KITLG: variants seen among roughly 807,000 people sequenced by gnomAD.
KITLG encodes the protein c-Kit ligand.
A neutral mutation model predicts 34.1 loss-of-function variants in KITLG; 13 were observed. The ratio of observed to expected loss-of-function variants is 0.38; its 90% CI spans 0.25 to 0.61. The LOEUF (loss-of-function observed/expected upper bound fraction) is 0.61, where lower values mean the gene tolerates loss of function less well. Among genes scored for constraint, KITLG ranks in the 20% least tolerant of loss-of-function variants. KITLG has a pLI of 0.60. For synonymous variants in KITLG, 110 were observed against 104.0 expected (o/e 1.06, Z -0.35); for missense variants, 292 against 318.9 (o/e 0.92, Z 0.64).
intron 1 of KITLG, among the ~76,000 whole-genome samples, chr12:88,572,674 C>T (rs1347494978): frequency 6.7e-6 from 1 of 148,830 alleles, no homozygotes; most frequent in Non-Finnish European, 1.5e-5. Context: ...TAGTTCAGTG[C>T]TTTTCTACAT....
chr12:88,499,534 C>A (rs551702664), intron 9 of KITLG, among the ~76,000 whole-genome samples: 2 of 152,278 alleles, frequency 1.3e-5, no homozygotes, highest in Admixed American at 6.5e-5. Context: ...AAATAAGATT[C>A]TTTGCAGATA....
At chr12:88,568,505 C>G (rs1871529878) in intron 1 of KITLG, among the ~76,000 whole-genome samples, 2 of 151,864 alleles carry the variant, frequency 1.3e-5, no homozygotes, top group South Asian at 4.2e-4. Context: ...TGTACTATTA[C>G]CCCTACAACC....
At chr12:88,559,561 T>C (rs1370855487) in intron 1 of KITLG, among the ~76,000 whole-genome samples, 3 of 152,160 alleles carry the variant, frequency 2.0e-5, no homozygotes, top group Non-Finnish European at 4.4e-5. Flanking sequence ...CAGGTTTCAA[T>C]CAGGCAGAGT....
At chr12:88,569,984 C>T (rs968343471) in intron 1 of KITLG, among the ~76,000 whole-genome samples, 6 of 152,210 alleles carry the variant, frequency 3.9e-5, no homozygotes, top group Non-Finnish European at 5.9e-5. Flanking sequence ...ACATAAACGA[C>T]ATTATTATCA....
At chr12:88,524,511 T>C (rs749801666) in intron 3 of KITLG, among the ~76,000 whole-genome samples, 158 of 152,194 alleles carry the variant, frequency 1.0e-3, no homozygotes, top group Admixed American at 1.7e-3. Flanking sequence ...TTTATATTGA[T>C]TTTAAGGTGA....
intron 2 of KITLG, among the ~76,000 whole-genome samples, chr12:88,542,465 C>A (rs1213513894): frequency 1.3e-5 from 2 of 152,086 alleles, no homozygotes; most frequent in African/African-American, 2.4e-5. Flanking sequence ...ATTAAAAAAA[C>A]CTAGTATTCC....
chr12:88,505,308 T>C (rs1869017362), intron 8 of KITLG, 73 bp from the exon 9 acceptor site: 2 of 1,212,480 alleles, frequency 1.6e-6, no homozygotes, highest in Non-Finnish European at 2.4e-6. Flanking sequence ...ATCTCGGCAT[T>C]GTAAAAGGCA....
At chr12:88,550,395 T>G (rs941954397) in intron 1 of KITLG, among the ~76,000 whole-genome samples, 15 of 148,022 alleles carry the variant, frequency 1.0e-4, no homozygotes, top group Admixed American at 2.8e-4. Flanking sequence ...GGGGTGAGAT[T>G]CAGTTCTCAA....
intron 1 of KITLG, among the ~76,000 whole-genome samples, chr12:88,573,001 T>C (rs1871706477): frequency 1.3e-5 from 2 of 152,168 alleles, no homozygotes; most frequent in African/African-American, 4.8e-5. Flanking sequence ...TTTTGGTTGT[T>C]CATCAAAAAA....
At chr12:88,533,867 G>A (rs1030180761) in intron 2 of KITLG, among the ~76,000 whole-genome samples, 4 of 152,048 alleles carry the variant, frequency 2.6e-5, no homozygotes, top group Admixed American at 2.6e-4. Flanking sequence ...GGCATAAGTA[G>A]TCACATGGGA....
intron 1 of KITLG, among the ~76,000 whole-genome samples, chr12:88,569,264 T>G (rs1162068477): frequency 6.6e-6 from 1 of 152,220 alleles, no homozygotes; most frequent in Non-Finnish European, 1.5e-5. Flanking sequence ...AACTTTGCTC[T>G]AGGTAAACTC....
chr12:88,564,961 AAAC>A (rs1871398590), intron 1 of KITLG, among the ~76,000 whole-genome samples: 1 of 152,218 alleles, frequency 6.6e-6, no homozygotes, highest in South Asian at 2.1e-4. Context: ...TGAAATTTGA[AAAC>A]ATCACTTCTT....
intron 1 of KITLG, among the ~76,000 whole-genome samples, chr12:88,570,389 A>G (rs1205213421): frequency 6.6e-6 from 1 of 152,064 alleles, no homozygotes; most frequent in South Asian, 2.1e-4. Flanking sequence ...AGCCATTTAC[A>G]CTTCTGGTAA....
In KITLG at chr12:88,494,852, G is replaced by A. The variant is rs181035713; in HGVS notation, c.*2367C>T. The A allele has an allele frequency of 7.9e-5, 12 of 152,050 alleles. No homozygotes were observed. The highest frequency in any genetic ancestry group is 2.6e-4 in the Admixed American group (4 of 15,238). The allele number at this position is 152,050 out of a possible 1,614,324, so 9.4% of individuals were successfully genotyped here. A position where few individuals can be genotyped will look rare whatever the true frequency, so the allele number is the denominator to read the frequency against. On this transcript the variant is annotated 3_prime_UTR_variant, in exon 10 of 10. Coordinates refer to ENST00000644744, the MANE Select transcript of KITLG (RefSeq NM_000899.5). Reference sequence around the variant, plus strand: ...TGAGTTTTCCATGATTTATGAAGAAGGATATTCAGAACACATCTGGGATAA... The same window carrying A: ...TGAGTTTTCCATGATTTATGAAGAAAGATATTCAGAACACATCTGGGATAA...
At chr12:88,526,342 G>T (rs926612543) in intron 3 of KITLG, among the ~76,000 whole-genome samples, 1 of 152,072 alleles carries the variant, frequency 6.6e-6, no homozygotes, top group African/African-American at 2.4e-5. Flanking sequence ...AGATAATAAC[G>T]TTGCAGTGCA....
At chr12:88,533,532 CTCTTA>C (rs1870183912) in intron 2 of KITLG, among the ~76,000 whole-genome samples, 1 of 152,134 alleles carries the variant, frequency 6.6e-6, no homozygotes, top group Non-Finnish European at 1.5e-5. Flanking sequence ...CCGCAACCTT[CTCTTA>C]TGTCACCATT....
intron 1 of KITLG, among the ~76,000 whole-genome samples, chr12:88,555,075 C>CA (rs879847154): frequency 9.3e-4 from 140 of 149,926 alleles, no homozygotes; most frequent in African/African-American, 2.5e-3. Context: ...GCTCTTATAA[C>CA]AAAAAAAAAC....
intron 1 of KITLG, among the ~76,000 whole-genome samples, chr12:88,572,891 C>G (rs1044384557): frequency 1.3e-5 from 2 of 152,084 alleles, no homozygotes; most frequent in East Asian, 1.9e-4. Flanking sequence ...AAGGTCAGTC[C>G]TCTGACTAAC....
At chr12:88,553,387 G>A (rs1870986790) in intron 1 of KITLG, among the ~76,000 whole-genome samples, 1 of 152,160 alleles carries the variant, frequency 6.6e-6, no homozygotes, top group Non-Finnish European at 1.5e-5. Context: ...AAATGTCCCT[G>A]TGTTTGTGAC....
Sources: allele counts gnomAD v4.1 joint callset (sites outside exome capture counted in the v4.1 genomes callset), GRCh38; gene constraint gnomAD v4.1.1; transcripts MANE v1.5; gene names NCBI Gene and HGNC (gene_info 2026-07-23, HGNC 2026-07-21).